The following CAST variants were observed in gnomAD, a reference collection of about 807,000 sequenced individuals.
The protein encoded by CAST is MIR583 host.
Under a neutral mutation model 119.6 loss-of-function variants are expected in CAST, and 76 were observed. That is an observed-to-expected ratio of 0.64 (90% CI 0.53 to 0.77). The LOEUF (loss-of-function observed/expected upper bound fraction) is 0.77. CAST is among the 30% of genes least tolerant of loss of function. The probability of loss-of-function intolerance (pLI) is 0.00; values close to 1 mark genes in which losing one functional copy is unlikely to be tolerated. For missense variants in CAST, 953 were observed against 946.5 expected, an observed-to-expected ratio of 1.01 and a Z score of -0.09; for synonymous variants, 319 against 331.6, an observed-to-expected ratio of 0.96 and a Z score of 0.41.
chr5:96,573,240 A>G (rs1422558751), intron 1 of CAST, among the ~76,000 whole-genome samples: 1 of 152,056 alleles, frequency 6.6e-6, no homozygotes, highest in Non-Finnish European at 1.5e-5. Flanking sequence ...CAGAAATTTG[A>G]GCTTTAAGGC....
At chr5:96,041,907 G>A in the CAST span, among the ~76,000 whole-genome samples, 1 of 152,096 alleles carries the variant, frequency 6.6e-6, no homozygotes, top group Non-Finnish European at 1.5e-5. Flanking sequence ...CAGAGGTAGA[G>A]CCAGTGACTC....
the CAST span, among the ~76,000 whole-genome samples, chr5:96,354,050 C>A: frequency 1.3e-5 from 2 of 152,106 alleles, no homozygotes; most frequent in African/African-American, 4.8e-5. Context: ...TCTCTTCTTT[C>A]TCTCATATTC....
the CAST span, among the ~76,000 whole-genome samples, chr5:96,495,764 G>T: frequency 6.6e-6 from 1 of 151,952 alleles, no homozygotes; most frequent in African/African-American, 2.4e-5. Flanking sequence ...ATTGTCTTGT[G>T]GATCAATTTT....
the CAST span, among the ~76,000 whole-genome samples, chr5:96,497,771 A>G: frequency 2.6e-4 from 40 of 152,340 alleles, no homozygotes; most frequent in Non-Finnish European, 3.2e-4. Context: ...GCCCTTTGTC[A>G]GATGAGTAGG....
At chr5:96,601,556 T>C (rs886746890) in intron 1 of CAST, among the ~76,000 whole-genome samples, 1 of 152,202 alleles carries the variant, frequency 6.6e-6, no homozygotes, top group African/African-American at 2.4e-5. Context: ...ATTAGATTAT[T>C]AATCCAAAAG....
chr5:96,441,093 A>G, the CAST span, among the ~76,000 whole-genome samples: 3 of 152,242 alleles, frequency 2.0e-5, no homozygotes, highest in African/African-American at 4.8e-5. Context: ...TGAAGTTATT[A>G]TACATAACAT....
the CAST span, among the ~76,000 whole-genome samples, chr5:96,384,424 A>G: frequency 3.3e-5 from 5 of 152,304 alleles, no homozygotes; most frequent in East Asian, 1.9e-4. Flanking sequence ...ACAAATTGGA[A>G]CAATGACCAC....
chr5:96,060,967 G>C, the CAST span, among the ~76,000 whole-genome samples: 1 of 152,070 alleles, frequency 6.6e-6, no homozygotes, highest in Non-Finnish European at 1.5e-5. Flanking sequence ...ATGGCCTTTT[G>C]TATGATATGT....
chr5:96,189,903 T>C, the CAST span, among the ~76,000 whole-genome samples: 2 of 152,250 alleles, frequency 1.3e-5, no homozygotes, highest in Non-Finnish European at 2.9e-5. Context: ...ATGTTTACTA[T>C]ATTATCCTGG....
At chr5:96,188,646 T>C in the CAST span, among the ~76,000 whole-genome samples, 4 of 152,152 alleles carry the variant, frequency 2.6e-5, no homozygotes, top group African/African-American at 9.6e-5. Context: ...CCCTTTAATA[T>C]CCATCAGCTA....
the CAST span, among the ~76,000 whole-genome samples, chr5:96,112,920 TATC>T: frequency 6.6e-6 from 1 of 152,180 alleles, no homozygotes; most frequent in South Asian, 2.1e-4. Flanking sequence ...AGAGAGATAA[TATC>T]ATATCTCTTT....
At chr5:95,984,949 AT>A in the CAST span, among the ~76,000 whole-genome samples, 1 of 152,114 alleles carries the variant, frequency 6.6e-6, no homozygotes, top group East Asian at 1.9e-4. Flanking sequence ...GTTGAATGAT[AT>A]TTTGAATATA....
chr5:96,128,372 T>C, the CAST span, among the ~76,000 whole-genome samples: 2 of 152,114 alleles, frequency 1.3e-5, no homozygotes, highest in African/African-American at 4.8e-5. Flanking sequence ...TCCTCGGCCC[T>C]GGACTCTGCA....
the CAST span, among the ~76,000 whole-genome samples, chr5:96,069,142 T>C: frequency 1.3e-5 from 2 of 151,514 alleles, no homozygotes; most frequent in African/African-American, 4.9e-5. Context: ...AACCAAGAGC[T>C]GTATGTATAT....
At chr5:96,568,564 C>CAA (rs70981830) in intron 1 of CAST, among the ~76,000 whole-genome samples, 26 of 70,876 alleles carry the variant, frequency 3.7e-4, no homozygotes, top group African/African-American at 4.9e-4. Flanking sequence ...GACTCCATCT[C>CAA]AAAAAAAAAA....
At chr5:96,272,588 G>A in the CAST span, among the ~76,000 whole-genome samples, 8 of 152,084 alleles carry the variant, frequency 5.3e-5, no homozygotes, top group African/African-American at 1.9e-4. Context: ...ATGGTTATGA[G>A]AGGCCAAAAA....
the CAST span, among the ~76,000 whole-genome samples, chr5:96,161,569 T>A: frequency 6.6e-6 from 1 of 152,142 alleles, no homozygotes; most frequent in African/African-American, 2.4e-5. Flanking sequence ...GAGGTATGAG[T>A]CCTACTTTGT....
At chr5:96,707,074 C>G (rs1265900036) in intron 3 of CAST, among the ~76,000 whole-genome samples, 1 of 152,160 alleles carries the variant, frequency 6.6e-6, no homozygotes, top group Non-Finnish European at 1.5e-5. Flanking sequence ...AATAACCTGC[C>G]CCTGAATTCT....
At chr5:96,011,897 A>G in the CAST span, among the ~76,000 whole-genome samples, 5 of 152,160 alleles carry the variant, frequency 3.3e-5, no homozygotes, top group South Asian at 2.1e-4. Context: ...AGATGCAAAT[A>G]CTCTATATTT....
Sources: gnomAD v4.1 joint callset for allele counts (sites outside exome capture counted in the v4.1 genomes callset) on GRCh38, gnomAD v4.1.1 for gene constraint, MANE v1.5 for transcripts, NCBI Gene and HGNC (gene_info 2026-07-23, HGNC 2026-07-21) for gene names.